KCNH7: variants seen among roughly 807,000 people sequenced by gnomAD.
KCNH7 encodes potassium voltage-gated channel subfamily H member 7, also known as voltage-gated inwardly rectifying potassium channel KCNH7.
KCNH7 carries 49 observed loss-of-function variants against 120.8 expected under a neutral mutation model. That is an observed-to-expected ratio of 0.41 (90% CI 0.32 to 0.51). The LOEUF (loss-of-function observed/expected upper bound fraction) is 0.51, where lower values mean the gene tolerates loss of function less well. Among genes scored for constraint, KCNH7 ranks in the 20% least tolerant of loss-of-function variants. The pLI is 0.38. For synonymous variants in KCNH7, 547 were observed against 516.1 expected (o/e 1.06, Z -0.81); for missense variants, 1,097 against 1,446.6 (o/e 0.76, Z 3.92).
chr2:162,555,471 A>G lies in KCNH7; in HGVS notation c.308-18391T>C, dbSNP rs190040533. 4.9e-4 allele frequency among the ~76,000 whole-genome samples: 75 copies of G among 152,334 alleles called. No individual in the cohort carries two copies. The South Asian group carries it at 8.7e-3, about 18-fold the overall frequency. On this transcript the variant is annotated intron_variant, in intron 2 of 15. Coordinates refer to ENST00000332142, the MANE Select transcript of KCNH7 (RefSeq NM_033272.4). ...TCATGTGCCAGTATACCTCAGTTTCAGTCAGTTTCTTAGAACCTAAGATTT... is the reference window on the plus strand; with the variant it reads ...TCATGTGCCAGTATACCTCAGTTTCGGTCAGTTTCTTAGAACCTAAGATTT...
At chr2:162,433,921 A>G in intron 8 of KCNH7, among the ~76,000 whole-genome samples, 1 of 152,096 alleles carries the variant, frequency 6.6e-6, no homozygotes, top group African/African-American at 2.4e-5. Flanking sequence ...AAAAAGACAC[A>G]TGTACTTATA....
At position 162,715,673 on chromosome 2, in the gene KCNH7, T is replaced by C. The variant is rs769107360; in HGVS notation, c.307+120864A>G. ...GAAGCAGTGTCTTGGAAAATGATTG[T>C]CAAAATCCTGGTTGTGATATTGTAC... On this transcript the variant is annotated intron_variant, in intron 2 of 15. Coordinates refer to ENST00000332142, the MANE Select transcript of KCNH7 (RefSeq NM_033272.4). Among the ~76,000 whole-genome samples the C allele has an allele frequency of 8.7e-4, 132 of 152,200 alleles. 1 individual carries two copies. The highest frequency in any genetic ancestry group is 2.0e-4 in the Admixed American group (3 of 15,254).
At chr2:162,641,665 G>C (rs1193779690) in intron 2 of KCNH7, among the ~76,000 whole-genome samples, 2 of 152,082 alleles carry the variant, frequency 1.3e-5, no homozygotes, top group Non-Finnish European at 2.9e-5. Context: ...GGAAGGGGTT[G>C]GGAAGTGATT....
intron 9 of KCNH7, among the ~76,000 whole-genome samples, chr2:162,414,427 A>G (rs1687481420): frequency 6.6e-6 from 1 of 151,324 alleles, no homozygotes; most frequent in African/African-American, 2.4e-5. Flanking sequence ...ATGTAGTTAT[A>G]TATTATTATA....
intron 2 of KCNH7, among the ~76,000 whole-genome samples, chr2:162,654,439 A>G (rs1684673557): frequency 6.6e-6 from 1 of 152,034 alleles, no homozygotes; most frequent in Non-Finnish European, 1.5e-5. Context: ...AATTAAACCC[A>G]CACGAGATAC....
At chr2:162,505,437 G>C (rs913425336) in intron 5 of KCNH7, among the ~76,000 whole-genome samples, 1 of 151,866 alleles carries the variant, frequency 6.6e-6, no homozygotes, top group African/African-American at 2.4e-5. Context: ...CCACAGCTAG[G>C]TAATAGGGCA....
intron 2 of KCNH7, among the ~76,000 whole-genome samples, chr2:162,693,021 A>G (rs1388030684): frequency 1.3e-5 from 2 of 152,220 alleles, no homozygotes; most frequent in Non-Finnish European, 2.9e-5. Context: ...TAAATTTGTA[A>G]AAAGGAAAAT....
intron 2 of KCNH7, among the ~76,000 whole-genome samples, chr2:162,799,722 T>C (rs1031688799): frequency 6.6e-6 from 1 of 152,008 alleles, no homozygotes; most frequent in African/African-American, 2.4e-5. Flanking sequence ...TTGCAAATCA[T>C]AGCAAAACAC....
At chr2:162,695,249 A>G (rs2105334473) in intron 2 of KCNH7, among the ~76,000 whole-genome samples, 1 of 152,276 alleles carries the variant, frequency 6.6e-6, no homozygotes, top group Admixed American at 6.5e-5. Flanking sequence ...TGTTAAGTAT[A>G]TTAATTTTCT....
intron 2 of KCNH7, among the ~76,000 whole-genome samples, chr2:162,714,144 T>G (rs944521888): frequency 6.6e-6 from 1 of 152,240 alleles, no homozygotes; most frequent in Non-Finnish European, 1.5e-5. Context: ...TGCAGGATTA[T>G]GTCTAGCTTG....
chr2:162,494,448 T>C (rs1170138612), intron 6 of KCNH7, among the ~76,000 whole-genome samples: 1 of 152,176 alleles, frequency 6.6e-6, no homozygotes, highest in East Asian at 1.9e-4. Context: ...ACAGGATTAT[T>C]TGACATTTTT....
At chr2:162,402,367 A>G (rs1463590229) in intron 9 of KCNH7, among the ~76,000 whole-genome samples, 1 of 147,706 alleles carries the variant, frequency 6.8e-6, no homozygotes, top group Non-Finnish European at 1.5e-5. Context: ...TGGACACAGC[A>G]TTCTAAAATG....
chr2:162,380,111 A>T, intron 13 of KCNH7, 90 bp from the exon 14 acceptor site: 1 of 1,464,006 alleles, frequency 6.8e-7, no homozygotes. Flanking sequence ...GCTGGAAAGG[A>T]TCGGAGTATA....
intron 2 of KCNH7, among the ~76,000 whole-genome samples, chr2:162,626,795 T>G (rs1391306621): frequency 4.6e-5 from 7 of 152,140 alleles, no homozygotes; most frequent in Admixed American, 4.6e-4. Flanking sequence ...GTGTATACAT[T>G]AAAGGTAATT....
chr2:162,573,878 T>G (rs967061016), intron 2 of KCNH7, among the ~76,000 whole-genome samples: 1 of 151,970 alleles, frequency 6.6e-6, no homozygotes, highest in African/African-American at 2.4e-5. Context: ...TTAATACCTA[T>G]GCAAGGACAT....
chr2:162,731,013 ATCTT>A (rs1687707064), intron 2 of KCNH7, among the ~76,000 whole-genome samples: 1 of 151,918 alleles, frequency 6.6e-6, no homozygotes, highest in South Asian at 2.1e-4. Context: ...AAGAGAAAAA[ATCTT>A]TATTTTATCA....
At chr2:162,510,214 G>A (rs1196010594) in intron 5 of KCNH7, among the ~76,000 whole-genome samples, 1 of 151,504 alleles carries the variant, frequency 6.6e-6, no homozygotes, top group East Asian at 2.0e-4. Flanking sequence ...GTTAGCTTAA[G>A]GAATCATAAT....
At chr2:162,482,752 T>C (rs1313104442) in intron 6 of KCNH7, among the ~76,000 whole-genome samples, 1 of 152,150 alleles carries the variant, frequency 6.6e-6, no homozygotes, top group Non-Finnish European at 1.5e-5. Flanking sequence ...AAATTGAAAA[T>C]GTTGCAGAAG....
chr2:162,755,799 G>A (rs1034501086), intron 2 of KCNH7, among the ~76,000 whole-genome samples: 55 of 152,200 alleles, frequency 3.6e-4, no homozygotes, highest in Admixed American at 1.6e-3. Flanking sequence ...ACTATGAGCT[G>A]TAGTCAACAT....
Sources: allele counts gnomAD v4.1 joint callset (sites outside exome capture counted in the v4.1 genomes callset), GRCh38; gene constraint gnomAD v4.1.1; transcripts MANE v1.5; gene names NCBI Gene and HGNC (gene_info 2026-07-23, HGNC 2026-07-21).